Variants in PRCP observed in about 807,000 individuals in gnomAD.
The protein encoded by PRCP is prolylcarboxypeptidase, also known as lysosomal Pro-X carboxypeptidase.
In PRCP, 46 loss-of-function variants were observed where a neutral mutation model predicts 54.2. The ratio of observed to expected loss-of-function variants is 0.85; its 90% confidence interval spans 0.67 to 1.09. The LOEUF (loss-of-function observed/expected upper bound fraction) is 1.09. Among genes scored for constraint, PRCP ranks in the 50% least tolerant of loss-of-function variants. The pLI is 0.00. For missense variants in PRCP, 613 were observed against 596.8 expected, an observed-to-expected ratio of 1.03 and a Z score of -0.28; for synonymous variants, 240 against 212.2, an observed-to-expected ratio of 1.13 and a Z score of -1.14.
intron 1 of PRCP, among the ~76,000 whole-genome samples, chr11:82,895,947 A>G (rs1393658451): frequency 1.3e-5 from 2 of 152,250 alleles, no homozygotes; most frequent in Non-Finnish European, 2.9e-5. Flanking sequence ...TGCAGAAGTC[A>G]GTGACCATGA....
chr11:82,841,268 G>GTAAA (rs1858663295), intron 6 of PRCP, among the ~76,000 whole-genome samples: 1 of 141,150 alleles, frequency 7.1e-6, no homozygotes, highest in African/African-American at 2.6e-5. Context: ...GCCAGCGGGG[G>GTAAA]AAAAAAAAAA....
At chr11:82,900,476 GC>G, upstream of PRCP, 1 of 1,512,082 alleles carries the variant, frequency 6.6e-7, no homozygotes, top group Non-Finnish European at 8.9e-7. Flanking sequence ...GCTAAGCCCT[GC>G]CCAGCCTGCA....
intron 8 of PRCP, among the ~76,000 whole-genome samples, chr11:82,835,034 A>C (rs1858486283): frequency 6.6e-6 from 1 of 152,210 alleles, no homozygotes; most frequent in African/African-American, 2.4e-5. Context: ...ATTGCACTTC[A>C]GCCTGGGCGA....
chr11:82,838,677 T>C (rs908642130), intron 7 of PRCP, 103 bp from the exon 8 acceptor site: 6 of 1,177,986 alleles, frequency 5.1e-6, no homozygotes, highest in Non-Finnish European at 7.0e-6. Context: ...AAGGCAGGGT[T>C]TGAACTCAGG....
chr11:82,878,880 T>C (rs1048613216), intron 1 of PRCP, among the ~76,000 whole-genome samples: 2 of 152,242 alleles, frequency 1.3e-5, no homozygotes, highest in Non-Finnish European at 2.9e-5. Flanking sequence ...CCCACTCTTG[T>C]AGAGTTTCTG....
intron 6 of PRCP, among the ~76,000 whole-genome samples, chr11:82,841,551 T>C (rs1380175051): frequency 6.6e-6 from 1 of 152,164 alleles, no homozygotes; most frequent in Non-Finnish European, 1.5e-5. Flanking sequence ...GTGTGCATCA[T>C]TGCCAAAAGT....
intron 1 of PRCP, among the ~76,000 whole-genome samples, chr11:82,871,787 T>G (rs911474738): frequency 3.3e-5 from 5 of 152,188 alleles, no homozygotes; most frequent in African/African-American, 1.2e-4. Flanking sequence ...TAACACTATA[T>G]TCTAAAGTCC....
At chr11:82,858,238 C>T (rs1441184553) in intron 2 of PRCP, 3 of 152,182 alleles carry the variant, frequency 2.0e-5, no homozygotes, top group Non-Finnish European at 4.4e-5. Flanking sequence ...ATTACTGTAT[C>T]CATTTAACAG....
chr11:82,874,703 A>AAAAAAAG (rs1859561418), intron 1 of PRCP, among the ~76,000 whole-genome samples: 2 of 150,084 alleles, frequency 1.3e-5, no homozygotes, highest in African/African-American at 4.9e-5. Flanking sequence ...AAAAAAAAAA[A>AAAAAAAG]AAAAAAGAAA....
At chr11:82,900,740 C>T (rs1002409878), upstream of PRCP, 13 of 503,972 alleles carry the variant, frequency 2.6e-5, no homozygotes, top group African/African-American at 2.5e-4. Context: ...TCTATAGCGC[C>T]CCCGAAGCCC....
intron 2 of PRCP, among the ~76,000 whole-genome samples, chr11:82,859,422 A>G (rs1042637261): frequency 6.6e-6 from 1 of 152,164 alleles, no homozygotes; most frequent in Non-Finnish European, 1.5e-5. Context: ...TCATTCATTT[A>G]ACAGACATAT....
intron 8 of PRCP, chr11:82,836,101 G>A (rs1050038372): frequency 5.4e-6 from 1 of 186,316 alleles, no homozygotes; most frequent in Admixed American, 5.9e-5. Flanking sequence ...GCTGAGGCAG[G>A]AGAATGGTGT....
intron 2 of PRCP, among the ~76,000 whole-genome samples, chr11:82,855,645 G>A (rs963653377): frequency 6.6e-6 from 1 of 151,728 alleles, no homozygotes; most frequent in Admixed American, 6.6e-5. Context: ...AAATAAATAA[G>A]TAAATAAATT....
chr11:82,860,094 A>G lies in PRCP; in HGVS notation c.192T>C (p.Thr64=), dbSNP rs1055989124. 3 of 1,556,712 alleles carry G rather than the reference A, an allele frequency of 1.9e-6. No homozygotes were observed. Among genetic ancestry groups the G allele is most frequent in the Non-Finnish European group, 2.6e-6 (3 of 1,150,660 alleles). ...GGTACCGCTGATTAAAAGTTTTCAC[A>G]GTATTAAATCCAAAATGATCAACCT... The part of the protein sequence containing the change: ...QQKVDHFGFN[T]VKTFNQRYLV... Residue 64 remains threonine (T), a synonymous_variant, in exon 2 of 9, where the codon ACT becomes ACC. Coordinates refer to ENST00000313010, the MANE Select transcript of PRCP (RefSeq NM_005040.4).
intron 8 of PRCP, chr11:82,829,948 G>C (rs917984344): frequency 2.0e-5 from 3 of 152,172 alleles, no homozygotes; most frequent in African/African-American, 7.2e-5. Flanking sequence ...CTTCAGCTGT[G>C]TGTTAATAGT....
chr11:82,871,072 G>A (rs575955479), intron 1 of PRCP, among the ~76,000 whole-genome samples: 2 of 151,864 alleles, frequency 1.3e-5, no homozygotes, highest in South Asian at 4.2e-4. Flanking sequence ...ATGTAAGGCT[G>A]CATATCATCA....
chr11:82,890,959 A>G (rs1859994883), intron 1 of PRCP, among the ~76,000 whole-genome samples: 1 of 152,230 alleles, frequency 6.6e-6, no homozygotes, highest in Non-Finnish European at 1.5e-5. Context: ...TGAGAAGATC[A>G]TCTTTAAAAG....
At chr11:82,854,872 C>G (rs1365370269) in intron 2 of PRCP, among the ~76,000 whole-genome samples, 2 of 152,112 alleles carry the variant, frequency 1.3e-5, no homozygotes, top group African/African-American at 4.8e-5. Flanking sequence ...AAGCCACATG[C>G]TTGCAACAAC....
In PRCP at chr11:82,824,107, A is replaced by C. The variant is rs1207217654; in HGVS notation, c.*799T>G. On this transcript the variant is annotated 3_prime_UTR_variant, in exon 9 of 9. Coordinates refer to ENST00000313010, the MANE Select transcript of PRCP (RefSeq NM_005040.4). ...TACAGCATAAAGCTTGCTCAGATTTAAAAAGACAAAACAGAGTCATTTTCC... is the reference window on the plus strand; with the variant it reads ...TACAGCATAAAGCTTGCTCAGATTTCAAAAGACAAAACAGAGTCATTTTCC... 1 of 152,252 alleles carries C rather than the reference A, an allele frequency of 6.6e-6. No individual in the cohort carries two copies. The highest frequency in any genetic ancestry group is 1.5e-5 in the Non-Finnish European group (1 of 68,042). The allele number at this position is 152,252 out of a possible 1,614,324, so 9.4% of individuals were successfully genotyped here.
Sources: gnomAD v4.1 joint callset for allele counts (sites outside exome capture counted in the v4.1 genomes callset) on GRCh38, gnomAD v4.1.1 for gene constraint, MANE v1.5 for transcripts, NCBI Gene and HGNC (gene_info 2026-07-23, HGNC 2026-07-21) for gene names.